Variants in SESTD1 observed in about 807,000 individuals in gnomAD.
SESTD1 encodes SEC14 domain and spectrin repeat-containing protein 1.
A neutral mutation model predicts 101.7 loss-of-function variants in SESTD1; 43 were observed. That is an observed-to-expected ratio of 0.42 (90% CI 0.33 to 0.55). The LOEUF is 0.55. Ranked by LOEUF, SESTD1 falls within the 20% of genes least tolerant of loss-of-function variation. The pLI, the probability that SESTD1 is intolerant of heterozygous loss-of-function variation, is 0.07. For synonymous variants in SESTD1, 283 were observed against 286.8 expected, an observed-to-expected ratio of 0.99 and a Z score of 0.13; for missense variants, 647 against 815.1, an observed-to-expected ratio of 0.79 and a Z score of 2.51.
rs141523152 is a variant in SESTD1 at position 179,122,297 on chromosome 2, T to C, written c.1283-368A>G. On this transcript the variant is annotated intron_variant, in intron 12 of 17. Transcript: ENST00000428443. ...TCCTGCTTTTATGCTGTCCAACTTATAGGAGAACAAGGCAAACATGTTGTT... is the reference window on the plus strand; with the variant it reads ...TCCTGCTTTTATGCTGTCCAACTTACAGGAGAACAAGGCAAACATGTTGTT... Among the ~76,000 whole-genome samples, 384 of 152,306 alleles carry C rather than the reference T, an allele frequency of 2.5e-3. 1 individual carries two copies. The highest frequency in any genetic ancestry group is 8.7e-3 in the African/African-American group (362 of 41,566).
At chr2:179,172,846 G>A (rs1347215447) in intron 4 of SESTD1, among the ~76,000 whole-genome samples, 2 of 152,156 alleles carry the variant, frequency 1.3e-5, no homozygotes, top group Non-Finnish European at 2.9e-5. Context: ...AAGTCCTATA[G>A]AGTCTAACTT....
chr2:179,201,030 A>G (rs2046503837), intron 1 of SESTD1, among the ~76,000 whole-genome samples: 1 of 134,622 alleles, frequency 7.4e-6, no homozygotes, highest in African/African-American at 3.0e-5. Context: ...TCATTTGACA[A>G]AGGGCTAATA....
intron 1 of SESTD1, chr2:179,264,188 C>T (rs1222646631): frequency 6.6e-6 from 1 of 152,188 alleles, no homozygotes; most frequent in Admixed American, 6.5e-5. Flanking sequence ...AGCGCGCGGC[C>T]CGGTCTCTGC....
intron 1 of SESTD1, among the ~76,000 whole-genome samples, chr2:179,195,969 G>T (rs1324331363): frequency 6.6e-6 from 1 of 152,076 alleles, no homozygotes; most frequent in Admixed American, 6.5e-5. Context: ...TGGCCGAATA[G>T]GAACAGCTCC....
At chr2:179,154,248 A>G (rs1267051713) in intron 5 of SESTD1, among the ~76,000 whole-genome samples, 1 of 145,520 alleles carries the variant, frequency 6.9e-6, no homozygotes, top group Non-Finnish European at 1.5e-5. Context: ...GAAGGAAAGG[A>G]AGGGAAGGGA....
intron 1 of SESTD1, among the ~76,000 whole-genome samples, chr2:179,221,610 C>A (rs2046816553): frequency 6.8e-6 from 1 of 146,430 alleles, no homozygotes; most frequent in Non-Finnish European, 1.5e-5. Context: ...CAGAGTGAGA[C>A]TGTTAAGGAA....
chr2:179,256,139 A>G (rs1431362692), intron 1 of SESTD1, among the ~76,000 whole-genome samples: 6 of 152,236 alleles, frequency 3.9e-5, no homozygotes, highest in Non-Finnish European at 7.3e-5. Flanking sequence ...GCTGACACAA[A>G]AGTCATTCTG....
At chr2:179,139,888 C>A (rs566633466) in intron 9 of SESTD1, among the ~76,000 whole-genome samples, 1 of 152,278 alleles carries the variant, frequency 6.6e-6, no homozygotes, top group East Asian at 1.9e-4. Flanking sequence ...TTTCCTTGCT[C>A]GGTGCCCTGC....
At position 179,109,979 on chromosome 2, in the gene SESTD1, T is replaced by C. The variant is rs1394974709; in HGVS notation, c.2011A>G (p.Asn671Asp). 6.2e-7 allele frequency: 1 copy of C among 1,613,858 alleles called. No individual in the cohort carries two copies. Among genetic ancestry groups the C allele is most frequent in the Non-Finnish European group, 8.5e-7 (1 of 1,179,914 alleles). The change falls in exon 18 of 18, where the codon AAC (asparagine) becomes GAC (aspartate). Residue 671 changes from asparagine to aspartate, a missense_variant. This residue lies in a region of SESTD1 where 476 missense variants were observed against 562.6 expected (regional missense o/e 0.85). Transcript: ENST00000428443. Reference sequence around the variant, plus strand: ...ACTAGTTTCATCCTGTCTCTGATGTTTTCTGCAGTAGAAGCCATGTCACTT... The same window carrying C: ...ACTAGTTTCATCCTGTCTCTGATGTCTTCTGCAGTAGAAGCCATGTCACTT... Reference protein sequence around the residue: ...SPSDMASTAENIRDRMKLVNL... With the variant: ...SPSDMASTAEDIRDRMKLVNL...
Position 179,176,535 on chromosome 2 carries a change from C to T in SESTD1, c.168G>A (p.Glu56=), listed in dbSNP as rs1873484. 6.2e-7 allele frequency: 1 copy of T among 1,611,022 alleles called. No individual in the cohort carries two copies. The highest frequency in any genetic ancestry group is 8.5e-7 in the Non-Finnish European group (1 of 1,178,496). ...CGGTAAATCCTCTAGCCTTACACTT[C>T]TCACTGAAACAAAATAAAATTACAA... The part of the protein sequence containing the change: ...TLDYLLSIPS[E]KCKARGFTVI... The change falls in exon 4 of 18, where the codon GAG becomes GAA. Residue 56 remains glutamate (E), a synonymous_variant. Coordinates refer to ENST00000428443, the MANE Select transcript of SESTD1 (RefSeq NM_178123.5).
chr2:179,106,962 C>A lies in SESTD1; in HGVS notation c.*2937G>T, dbSNP rs1002301172. On this transcript the variant is annotated 3_prime_UTR_variant, in exon 18 of 18. Coordinates refer to ENST00000428443, the MANE Select transcript of SESTD1 (RefSeq NM_178123.5). Reference sequence around the variant, plus strand: ...AAGAAAAAAAAAATCCTCAAACAAACAAAAAAACCCAAAAAAACCAAAACA... The same window carrying A: ...AAGAAAAAAAAAATCCTCAAACAAAAAAAAAAACCCAAAAAAACCAAAACA... The A allele has an allele frequency of 2.7e-4, 41 of 150,516 alleles. No homozygotes were observed. The highest frequency in any genetic ancestry group is 8.9e-5 in the Non-Finnish European group (6 of 67,406). 9.3% of individuals were successfully genotyped at this position (150,516 alleles called of 1,614,324 possible).
intron 1 of SESTD1, among the ~76,000 whole-genome samples, chr2:179,201,764 G>T (rs1159621049): frequency 7.9e-6 from 1 of 126,346 alleles, no homozygotes; most frequent in Admixed American, 7.6e-5. Context: ...CACACTCTGG[G>T]GACTGTTGTG....
intron 1 of SESTD1, 68 bp from the exon 2 acceptor site, chr2:179,191,934 T>C (rs2046325581): frequency 3.7e-6 from 4 of 1,078,212 alleles, no homozygotes; most frequent in Admixed American, 4.2e-5. Context: ...ATCCTAATGA[T>C]GGTTTATCCC....
At chr2:179,245,763 C>T (rs2047220684) in intron 1 of SESTD1, among the ~76,000 whole-genome samples, 1 of 151,898 alleles carries the variant, frequency 6.6e-6, no homozygotes, top group African/African-American at 2.4e-5. Context: ...CAGGGATGAA[C>T]AGAAAATAAA....
chr2:179,207,932 G>A (rs972772393), intron 1 of SESTD1, among the ~76,000 whole-genome samples: 1 of 134,504 alleles, frequency 7.4e-6, no homozygotes, highest in Non-Finnish European at 1.6e-5. Context: ...GCTATTCAAG[G>A]AGGCACCAGA....
At position 179,143,807 on chromosome 2, in the gene SESTD1, T is replaced by TA. The variant is rs1463737482; in HGVS notation, c.638-5dup. ...AATTCGGACAACAATTCATGCCCTTTACAAATAAAAGATACTTGAAATTAA... is the reference window on the plus strand; with the variant it reads ...AATTCGGACAACAATTCATGCCCTTTAACAAATAAAAGATACTTGAAATTAA... On this transcript the variant is annotated splice_region_variant and splice_polypyrimidine_tract_variant and intron_variant, in intron 8 of 17. Coordinates refer to ENST00000428443, the MANE Select transcript of SESTD1 (RefSeq NM_178123.5). 1 of 1,610,296 alleles carries TA rather than the reference T, an allele frequency of 6.2e-7. No homozygotes were observed. Among genetic ancestry groups the TA allele is most frequent in the African/African-American group, 1.3e-5 (1 of 74,820 alleles).
At chr2:179,228,909 A>G (rs890469781) in intron 1 of SESTD1, among the ~76,000 whole-genome samples, 7 of 152,168 alleles carry the variant, frequency 4.6e-5, no homozygotes, top group Non-Finnish European at 1.0e-4. Flanking sequence ...AAATTTTGCA[A>G]ACACAAAGTG....
chr2:179,259,565 A>G lies in SESTD1; in HGVS notation c.-26+4934T>C, dbSNP rs149311122. 1.3e-3 allele frequency among the ~76,000 whole-genome samples: 203 copies of G among 152,226 alleles called. 2 individuals carry two copies. Among genetic ancestry groups the G allele is most frequent in the African/African-American group, 4.6e-3 (193 of 41,530 alleles). ...CTTTTTTATAGGTAAGGAAAACAGAAGGATCTAAGCACTTAGGCGACTCAT... is the reference window on the plus strand; with the variant it reads ...CTTTTTTATAGGTAAGGAAAACAGAGGGATCTAAGCACTTAGGCGACTCAT... On this transcript the variant is annotated intron_variant, in intron 1 of 17. Coordinates refer to ENST00000428443, the MANE Select transcript of SESTD1 (RefSeq NM_178123.5).
intron 1 of SESTD1, among the ~76,000 whole-genome samples, chr2:179,199,359 T>C (rs548421157): frequency 0.012 from 1,873 of 152,066 alleles, 37 homozygotes; most frequent in African/African-American, 0.042. Flanking sequence ...GATTCACAGC[T>C]GAATTCTACC....
Sources: allele counts gnomAD v4.1 joint callset (sites outside exome capture counted in the v4.1 genomes callset), GRCh38; gene constraint gnomAD v4.1.1; regional missense constraint gnomAD v4.1.1; transcripts MANE v1.5; gene names NCBI Gene and HGNC (gene_info 2026-07-23, HGNC 2026-07-21).